The following DHRSX variants were observed in gnomAD, a reference collection of about 807,000 sequenced individuals.
DHRSX encodes dehydrogenase/reductase X-linked, also known as polyprenol dehydrogenase.
DHRSX carries 31 observed loss-of-function variants against 34.0 expected under a neutral mutation model. That is an observed-to-expected ratio of 0.91 (90% confidence interval 0.69 to 1.23). DHRSX has a LOEUF of 1.23. Among genes scored for constraint, DHRSX ranks in the 50% most tolerant of loss-of-function variants. The probability of loss-of-function intolerance (pLI) is 0.00; values close to 1 mark genes in which losing one functional copy is unlikely to be tolerated. For synonymous variants in DHRSX, 201 were observed against 183.8 expected, an observed-to-expected ratio of 1.09 and a Z score of -0.76; for missense variants, 414 against 428.1, an observed-to-expected ratio of 0.97 and a Z score of 0.29.
rs1438917897 is a variant in DHRSX at position 2,473,312 on chromosome X, G to A, written c.109+27505C>T. 4.6e-5 allele frequency among the ~76,000 whole-genome samples: 7 copies of A among 152,134 alleles called. No individual in the cohort carries two copies. In the South Asian group the frequency reaches 8.3e-4, roughly 18 times the overall value. Reference sequence around the variant, plus strand: ...GTGGAAACAGTTTATCTGCGAGTTTGAAACCAGGTGGATCAAGAATGAAAG... The same window carrying A: ...GTGGAAACAGTTTATCTGCGAGTTTAAAACCAGGTGGATCAAGAATGAAAG... On this transcript the variant is annotated intron_variant, in intron 1 of 6. Transcript: ENST00000334651.
intron 3 of DHRSX, among the ~76,000 whole-genome samples, chrX:2,328,133 C>T (rs1434444400): frequency 1.3e-5 from 2 of 150,572 alleles, no homozygotes; most frequent in Non-Finnish European, 1.5e-5. Flanking sequence ...GACGACCCTG[C>T]GAGGACACAG....
intron 6 of DHRSX, among the ~76,000 whole-genome samples, chrX:2,240,756 G>A (rs1312624540): frequency 6.6e-6 from 1 of 152,128 alleles, no homozygotes; most frequent in African/African-American, 2.4e-5. Flanking sequence ...GCAATGTAAA[G>A]GGAGAAATAG....
chrX:2,408,903 G>A, intron 2 of DHRSX, 90 bp from the exon 3 acceptor site: 1 of 1,128,102 alleles, frequency 8.9e-7, no homozygotes. Context: ...TTTAAGAGAA[G>A]TATAACACAA....
intron 3 of DHRSX, among the ~76,000 whole-genome samples, chrX:2,368,185 G>A (rs1312741170): frequency 6.6e-6 from 1 of 151,480 alleles, no homozygotes; most frequent in African/African-American, 2.4e-5. Context: ...AGAGGTTGCA[G>A]TGAGCCAAGA....
At chrX:2,269,338 C>T (rs1431905059) in intron 4 of DHRSX, among the ~76,000 whole-genome samples, 1 of 152,062 alleles carries the variant, frequency 6.6e-6, no homozygotes, top group Non-Finnish European at 1.5e-5. Context: ...TCTGCAAGTG[C>T]ACACATTTTT....
chrX:2,463,548 G>A (rs923635898), intron 1 of DHRSX, among the ~76,000 whole-genome samples: 1 of 152,090 alleles, frequency 6.6e-6, no homozygotes, highest in Non-Finnish European at 1.5e-5. Flanking sequence ...ATCTGGGTGG[G>A]GGTGGGGAGC....
chrX:2,359,831 C>G (rs185829017), intron 3 of DHRSX, among the ~76,000 whole-genome samples: 104 of 152,028 alleles, frequency 6.8e-4, no homozygotes, highest in Non-Finnish European at 1.5e-3. Context: ...AACAGCAAAA[C>G]CAAATTACTA....
At chrX:2,471,596 T>C (rs2044594035) in intron 1 of DHRSX, among the ~76,000 whole-genome samples, 1 of 151,510 alleles carries the variant, frequency 6.6e-6, no homozygotes, top group Non-Finnish European at 1.5e-5. Context: ...CGTTGAGATT[T>C]CTACACTGTG....
chrX:2,344,872 CATATATAT>C (rs775259345), intron 3 of DHRSX, among the ~76,000 whole-genome samples: 13,782 of 97,990 alleles, frequency 0.14, 1,193 homozygotes, highest in Non-Finnish European at 0.17. Context: ...TAAAAAGAAG[CATATATAT>C]ATATATATAT....
intron 6 of DHRSX, among the ~76,000 whole-genome samples, chrX:2,238,752 T>G (rs2016074753): frequency 9.7e-6 from 1 of 103,302 alleles, no homozygotes. Flanking sequence ...CTCGGCTAAT[T>G]TTTTTTTTTT....
intron 1 of DHRSX, among the ~76,000 whole-genome samples, chrX:2,432,435 G>C (rs762578804): frequency 9.2e-5 from 14 of 152,238 alleles, no homozygotes; most frequent in African/African-American, 1.4e-4. Context: ...TATGTACAAA[G>C]ATTGAGAACA....
intron 6 of DHRSX, among the ~76,000 whole-genome samples, chrX:2,240,250 G>A (rs1328559794): frequency 2.0e-5 from 3 of 150,456 alleles, no homozygotes; most frequent in African/African-American, 4.9e-5. Context: ...CTGAGATCGC[G>A]CCAGTGCACT....
chrX:2,463,056 A>T (rs2044424798), intron 1 of DHRSX, among the ~76,000 whole-genome samples: 1 of 152,134 alleles, frequency 6.6e-6, no homozygotes, highest in Admixed American at 6.6e-5. Flanking sequence ...AGGCAGAGAA[A>T]ATGCGTCGTC....
At chrX:2,411,576 A>G (rs1176391395) in intron 2 of DHRSX, among the ~76,000 whole-genome samples, 1 of 149,476 alleles carries the variant, frequency 6.7e-6, no homozygotes, top group Non-Finnish European at 1.5e-5. Flanking sequence ...AAAAAAAAAA[A>G]GTTAGCCAGA....
chrX:2,498,166 A>G (rs2045327187), intron 1 of DHRSX, among the ~76,000 whole-genome samples: 1 of 152,190 alleles, frequency 6.6e-6, no homozygotes, highest in Admixed American at 6.5e-5. Flanking sequence ...AAGTCAACTC[A>G]TGTGGAAGGT....
intron 3 of DHRSX, among the ~76,000 whole-genome samples, chrX:2,356,845 T>C (rs945703138): frequency 7.2e-5 from 11 of 152,234 alleles, no homozygotes; most frequent in Non-Finnish European, 1.3e-4. Flanking sequence ...AAGTATGCAA[T>C]ACATAGAACA....
intron 6 of DHRSX, among the ~76,000 whole-genome samples, chrX:2,230,408 C>G (rs767232797): frequency 1.2e-4 from 18 of 152,164 alleles, no homozygotes; most frequent in South Asian, 8.3e-4. Context: ...CCTGCTCTTA[C>G]CAGGAATAAA....
At chrX:2,483,378 C>G (rs1272336080) in intron 1 of DHRSX, among the ~76,000 whole-genome samples, 1 of 152,158 alleles carries the variant, frequency 6.6e-6, no homozygotes, top group Admixed American at 6.6e-5. Flanking sequence ...ATCCTCCCAC[C>G]TTCGCCTCCT....
At chrX:2,246,153 G>A (rs999481359) in intron 5 of DHRSX, among the ~76,000 whole-genome samples, 13 of 151,966 alleles carry the variant, frequency 8.6e-5, no homozygotes, top group African/African-American at 3.1e-4. Flanking sequence ...CTCAGATATA[G>A]TTTGAATATC....
Sources: allele counts gnomAD v4.1 joint callset (sites outside exome capture counted in the v4.1 genomes callset), GRCh38; gene constraint gnomAD v4.1.1; transcripts MANE v1.5; gene names NCBI Gene and HGNC (gene_info 2026-07-23, HGNC 2026-07-21).